The following BCAR1 variants were observed in gnomAD, a reference collection of about 807,000 sequenced individuals.
The protein encoded by BCAR1 is breast cancer anti-estrogen resistance protein 1.
A neutral mutation model predicts 67.6 loss-of-function variants in BCAR1; 30 were observed. The ratio of observed to expected loss-of-function variants is 0.44; its 90% CI spans 0.33 to 0.60. The LOEUF (loss-of-function observed/expected upper bound fraction) is 0.60, where lower values mean the gene tolerates loss of function less well. Among genes scored for constraint, BCAR1 ranks in the 20% least tolerant of loss-of-function variants. The probability of loss-of-function intolerance (pLI) is 0.02; values close to 1 mark genes in which losing one functional copy is unlikely to be tolerated. For synonymous variants in BCAR1, 626 were observed against 556.7 expected (o/e 1.12, Z -1.75); for missense variants, 1,313 against 1,222.3 (o/e 1.07, Z -1.11).
upstream of BCAR1, chr16:75,252,324 A>C: frequency 6.5e-7 from 1 of 1,536,276 alleles, no homozygotes; most frequent in Non-Finnish European, 8.7e-7. Flanking sequence ...GGTTCAGCCT[A>C]AAACCTGGGC....
At chr16:75,234,700 G>A (rs1052678048) in intron 5 of BCAR1, among the ~76,000 whole-genome samples, 189 bp downstream of exon 5, 1 of 152,256 alleles carries the variant, frequency 6.6e-6, no homozygotes, top group Non-Finnish European at 1.5e-5. Flanking sequence ...CAGCCCGAGG[G>A]ACTCAACGAA....
chr16:75,261,402 C>T (rs1173710543), intron 1 of BCAR1, among the ~76,000 whole-genome samples: 1 of 152,228 alleles, frequency 6.6e-6, no homozygotes. Context: ...TGGCTGTAGG[C>T]CCCTCCCTTA....
At chr16:75,236,170 A>G (rs1196387513) in intron 4 of BCAR1, 184 bp from the exon 5 acceptor site, 12 of 693,956 alleles carry the variant, frequency 1.7e-5, no homozygotes, top group East Asian at 8.5e-5. Flanking sequence ...ACACACGCGC[A>G]CACACACTCG....
In BCAR1 at chr16:75,234,896, T is replaced by G; in HGVS notation, c.2003A>C (p.His668Pro). 6.5e-7 allele frequency: 1 copy of G among 1,532,602 alleles called. No homozygotes were observed. The allele number at this position is 1,532,602 out of a possible 1,614,324, so 94.9% of individuals were successfully genotyped here. ...GGWMEDYDYV[H>P]LQGKEEFEKT... ...TGGGCAGGCGGCACCCACCTGTAGGTGGACGTAGTCATAGTCCTCCATCCA... is the reference window on the plus strand; with the variant it reads ...TGGGCAGGCGGCACCCACCTGTAGGGGGACGTAGTCATAGTCCTCCATCCA... The change falls in exon 5 of 7, where the codon CAC becomes CCC. Residue 668 changes from histidine (H) to proline (P), a missense_variant. By Grantham distance (77) the His-to-Pro change is moderately conservative. Around this residue, in one of 2 missense-constraint regions of BCAR1, gnomAD observed 1,272 missense variants for 1,137.5 expected, o/e 1.12. Transcript: ENST00000162330.
chr16:75,252,402 G>C, upstream of BCAR1: 4 of 1,466,050 alleles, frequency 2.7e-6, no homozygotes, highest in East Asian at 2.5e-5. Context: ...AGCGGCACTG[G>C]GGGAATGAGG....
At chr16:75,263,057 C>T (rs1007180661) in intron 1 of BCAR1, among the ~76,000 whole-genome samples, 1 of 152,202 alleles carries the variant, frequency 6.6e-6, no homozygotes, top group African/African-American at 2.4e-5. Context: ...TGGCAAGACA[C>T]AGGCCCTCTG....
chr16:75,244,178 C>A (rs542589985), intron 1 of BCAR1, among the ~76,000 whole-genome samples: 1 of 152,254 alleles, frequency 6.6e-6, no homozygotes, highest in South Asian at 2.1e-4. Context: ...GGCTGCCCTG[C>A]AAGGTCCCTC....
chr16:75,261,765 T>C (rs1447268146), intron 1 of BCAR1, among the ~76,000 whole-genome samples: 1 of 151,950 alleles, frequency 6.6e-6, no homozygotes, highest in Non-Finnish European at 1.5e-5. Flanking sequence ...ACACTGACCA[T>C]AAAGAAAGGG....
chr16:75,241,094 G>A (rs917367205), intron 2 of BCAR1, among the ~76,000 whole-genome samples: 16 of 152,236 alleles, frequency 1.1e-4, no homozygotes, highest in African/African-American at 3.6e-4. Flanking sequence ...ACATTTGTAC[G>A]TTTGTGGGAT....
At chr16:75,248,610 C>T (rs2077591222) in intron 1 of BCAR1, 1 of 180,146 alleles carries the variant, frequency 5.6e-6, no homozygotes. Context: ...CTAATACTCC[C>T]ACAACAACAG....
At position 75,229,131 on chromosome 16, in the gene BCAR1, C is replaced by A; in HGVS notation, c.*380G>T. 1 of 213,446 alleles carries A rather than the reference C, an allele frequency of 4.7e-6. No individual in the cohort carries two copies. Among genetic ancestry groups the A allele is most frequent in the Non-Finnish European group, 9.2e-6 (1 of 108,808 alleles). The allele number at this position is 213,446 out of a possible 1,614,324, so 13.2% of individuals were successfully genotyped here. On this transcript the variant is annotated 3_prime_UTR_variant, in exon 7 of 7. Transcript: ENST00000162330. ...TCTTCAGGTTCTTCTCCTGGTAAGG[C>A]GGAGGACACACCAAACTGCACTGGC...
At chr16:75,266,770 G>A (rs756712844) in intron 1 of BCAR1, 9 of 1,450,260 alleles carry the variant, frequency 6.2e-6, no homozygotes, top group Non-Finnish European at 8.3e-6. Flanking sequence ...TGGGGACGGT[G>A]GGTGAGCATC....
chr16:75,266,667 C>T lies in BCAR1; in HGVS notation c.66+1248G>A, dbSNP rs375119037. On this transcript the variant is annotated intron_variant, in intron 1 of 6. Transcript: ENST00000393422. The stretch of plus-strand genomic sequence containing the variant: ...CTCCACTCCTGCCAGGCAGGCCTTG[C>T]TGATGCCCCGTTACATTTCATAGGC... 8 of 1,260,456 alleles carry T rather than the reference C, an allele frequency of 6.3e-6. No individual in the cohort carries two copies. In the African/African-American group the frequency reaches 1.2e-4, roughly 19 times the overall value. The allele number at this position is 1,260,456 out of a possible 1,614,324, so 78.1% of individuals were successfully genotyped here. A position where few individuals can be genotyped will look rare whatever the true frequency, so the allele number is the denominator to read the frequency against.
intron 2 of BCAR1, chr16:75,238,363 TTCA>T (rs1207606179): frequency 2.5e-5 from 28 of 1,100,982 alleles, no homozygotes; most frequent in Non-Finnish European, 3.1e-5. Flanking sequence ...CTTTTGTTCC[TTCA>T]TCAAAGGGGA....
chr16:75,234,581 C>T (rs1467244131), intron 5 of BCAR1, among the ~76,000 whole-genome samples: 2 of 152,224 alleles, frequency 1.3e-5, no homozygotes, highest in Non-Finnish European at 2.9e-5. Flanking sequence ...CTCCCACCAC[C>T]TCCTGCTGCT....
intron 1 of BCAR1, chr16:75,248,113 T>C (rs1161313521): frequency 3.8e-6 from 6 of 1,597,896 alleles, no homozygotes; most frequent in Non-Finnish European, 1.7e-6. Context: ...CCAGGGTCAC[T>C]GAGTCCAGAA....
chr16:75,233,920 C>G lies in BCAR1; in HGVS notation c.2026G>C (p.Glu676Gln), dbSNP rs754395683. 6.2e-7 allele frequency: 1 copy of G among 1,608,534 alleles called. No homozygotes were observed. Among genetic ancestry groups the G allele is most frequent in the Non-Finnish European group, 8.5e-7 (1 of 1,177,558 alleles). The part of the protein sequence containing the change: ...YVHLQGKEEF[E>Q]KTQKELLEKG... ...TCCAGCAGCTCCTTCTGGGTCTTCT[C>G]AAACTCCTCCTTCCCCTGGAGGGCA... Residue 676 changes from glutamate to glutamine, a missense_variant, in exon 6 of 7, where the codon GAG becomes CAG. Coordinates refer to ENST00000162330, the MANE Select transcript of BCAR1 (RefSeq NM_014567.5).
chr16:75,262,408 G>C (rs890323493), intron 1 of BCAR1, among the ~76,000 whole-genome samples: 2 of 152,268 alleles, frequency 1.3e-5, no homozygotes, highest in Non-Finnish European at 2.9e-5. Context: ...ACGGCGCCGG[G>C]AAGGCTTCCT....
Position 75,235,888 on chromosome 16 carries a change from C to T in BCAR1, c.1011G>A (p.Lys337=), listed in dbSNP as rs1431309735. 6.4e-7 allele frequency: 1 copy of T among 1,563,038 alleles called. No individual in the cohort carries two copies. Among genetic ancestry groups the T allele is most frequent in the Non-Finnish European group, 8.7e-7 (1 of 1,154,450 alleles). Residue 337 remains lysine, a synonymous_variant, in exon 5 of 7, where the codon AAG becomes AAA. Transcript: ENST00000162330. ...GTGGGGTGCGGGCCGGGTCAAAGGGCTTGGCCTTGGCGAAGGCGGGGGGCA... is the reference window on the plus strand; with the variant it reads ...GTGGGGTGCGGGCCGGGTCAAAGGGTTTGGCCTTGGCGAAGGCGGGGGGCA... ...YDVPPAFAKA[K]PFDPARTPLV... is the part of the protein sequence containing the mutation.
Sources: allele counts gnomAD v4.1 joint callset (sites outside exome capture counted in the v4.1 genomes callset), GRCh38; gene constraint gnomAD v4.1.1; regional missense constraint gnomAD v4.1.1; transcripts MANE v1.5; gene names NCBI Gene and HGNC (gene_info 2026-07-23, HGNC 2026-07-21).